The following RAP1GAP variants were observed in gnomAD, a reference collection of about 807,000 sequenced individuals.
The protein encoded by RAP1GAP is RAP1 GTPase activating protein.
RAP1GAP carries 35 observed loss-of-function variants against 87.2 expected under a neutral mutation model. The observed-to-expected ratio is 0.40, with a 90% CI of 0.31 to 0.53. The LOEUF (loss-of-function observed/expected upper bound fraction) is 0.53. Among genes scored for constraint, RAP1GAP ranks in the 20% least tolerant of loss-of-function variants. The pLI is 0.48. For synonymous variants in RAP1GAP, 375 were observed against 363.9 expected (o/e 1.03, Z -0.35); for missense variants, 734 against 898.9 (o/e 0.82, Z 2.35).
intron 13 of RAP1GAP, 143 bp downstream of exon 13, chr1:21,611,309 C>G: frequency 8.2e-7 from 1 of 1,220,702 alleles, no homozygotes; most frequent in Non-Finnish European, 1.1e-6. Flanking sequence ...CCTGACCCAA[C>G]GAGACCCCAC....
chr1:21,609,772 G>A lies in RAP1GAP; in HGVS notation c.1000-126C>T. On this transcript the variant is annotated intron_variant, in intron 14 of 24. Transcript: ENST00000374765. The surrounding 1 kb of genome is among the most constrained non-coding windows in gnomAD (Gnocchi z 4.4). ...CGGGGAGACCCAGTGACTGTGGGCTGGATGAATCTTTCTTCCAGAGATTTC... is the reference window on the plus strand; with the variant it reads ...CGGGGAGACCCAGTGACTGTGGGCTAGATGAATCTTTCTTCCAGAGATTTC... 1 of 707,170 alleles carries A rather than the reference G, an allele frequency of 1.4e-6. No individual in the cohort carries two copies. The highest frequency in any genetic ancestry group is 2.3e-6 in the Non-Finnish European group (1 of 438,600). 43.8% of individuals were successfully genotyped at this position (707,170 alleles called of 1,614,324 possible).
intron 2 of RAP1GAP, among the ~76,000 whole-genome samples, chr1:21,641,247 G>A (rs924109531): frequency 2.6e-5 from 4 of 152,130 alleles, no homozygotes; most frequent in African/African-American, 7.2e-5. Flanking sequence ...TCTGAAAGAA[G>A]TGGGCTTCCA....
chr1:21,597,947 G>A lies in RAP1GAP; in HGVS notation c.1983+14C>T, dbSNP rs751382412. 1.3e-6 allele frequency: 2 copies of A among 1,558,402 alleles called. No individual in the cohort carries two copies. Among genetic ancestry groups the A allele is most frequent in the South Asian group, 2.3e-5 (2 of 85,232 alleles). ...GGGGCTCCCTCAGCACCAGCCCCAGGAGGCTGCACGTACCAGCTGGGGCAT... is the reference window on the plus strand; with the variant it reads ...GGGGCTCCCTCAGCACCAGCCCCAGAAGGCTGCACGTACCAGCTGGGGCAT... On this transcript the variant is annotated intron_variant, in intron 23 of 24. Coordinates refer to ENST00000374765, the MANE Select transcript of RAP1GAP (RefSeq NM_002885.4).
chr1:21,640,634 G>GCAC (rs1260906912), intron 2 of RAP1GAP, among the ~76,000 whole-genome samples: 22 of 152,226 alleles, frequency 1.4e-4, no homozygotes, highest in African/African-American at 2.7e-4. Context: ...CAGTGCCTAG[G>GCAC]CTGGCTGGGG....
Position 21,609,473 on chromosome 1 carries a change from TAC to T in RAP1GAP, c.1071+100_1071+101del. Reference sequence around the variant, plus strand: ...TTAGGGGAGCCCAGCTGCCCTGGCATACAATGAGACTTTGGGACCTCATAAGG... The same window carrying T: ...TTAGGGGAGCCCAGCTGCCCTGGCATAATGAGACTTTGGGACCTCATAAGG... On this transcript the variant is annotated intron_variant, in intron 15 of 24. Coordinates refer to ENST00000374765, the MANE Select transcript of RAP1GAP (RefSeq NM_002885.4). The surrounding 1 kb of genome is among the most constrained non-coding windows in gnomAD (Gnocchi z 4.4). 1.5e-6 allele frequency: 1 copy of T among 667,100 alleles called. No homozygotes were observed. The highest frequency in any genetic ancestry group is 2.4e-6 in the Non-Finnish European group (1 of 424,646). 41.3% of individuals were successfully genotyped at this position (667,100 alleles called of 1,614,324 possible).
Position 21,609,230 on chromosome 1 carries a change from G to A in RAP1GAP, c.1072-294C>T, listed in dbSNP as rs1362898154. On this transcript the variant is annotated intron_variant, in intron 15 of 24. Transcript: ENST00000374765. This position sits in a 1 kb window ranked among gnomAD's most constrained non-coding sequence, Gnocchi z 4.4. ...GCTTCAGTCTAGGGTAGCAGAACAC[G>A]CTACGTACAGAGCTGAAGCCCAGGC... is the stretch of plus-strand genomic sequence containing the variant. 1.3e-5 allele frequency among the ~76,000 whole-genome samples: 2 copies of A among 152,132 alleles called. No individual in the cohort carries two copies. Among genetic ancestry groups the A allele is most frequent in the African/African-American group, 2.4e-5 (1 of 41,420 alleles).
intron 1 of RAP1GAP, among the ~76,000 whole-genome samples, chr1:21,655,156 AG>A (rs1334289814): frequency 2.0e-5 from 3 of 152,022 alleles, no homozygotes; most frequent in Non-Finnish European, 2.9e-5. Context: ...AAAAAAAAGA[AG>A]AAAAGAAAAA....
chr1:21,643,194 G>A (rs1239345109), intron 2 of RAP1GAP, among the ~76,000 whole-genome samples: 2 of 152,208 alleles, frequency 1.3e-5, no homozygotes, highest in Non-Finnish European at 2.9e-5. Context: ...TATTGAATTA[G>A]TTTGCTGAAT....
At chr1:21,641,199 G>T (rs1173391276) in intron 2 of RAP1GAP, among the ~76,000 whole-genome samples, 1 of 151,838 alleles carries the variant, frequency 6.6e-6, no homozygotes. Flanking sequence ...AGGATTACAG[G>T]CATGAGCCAC....
At chr1:21,602,347 C>T (rs758809884) in intron 19 of RAP1GAP, among the ~76,000 whole-genome samples, 13 of 152,184 alleles carry the variant, frequency 8.5e-5, no homozygotes, top group Non-Finnish European at 1.3e-4. Flanking sequence ...GGGAGGCAGC[C>T]GGGAGCTAGC....
Position 21,617,952 on chromosome 1 carries a change from T to C in RAP1GAP, c.87A>G (p.Pro29=), listed in dbSNP as rs772496704. 55 of 1,614,130 alleles carry C rather than the reference T, an allele frequency of 3.4e-5. No individual in the cohort carries two copies. The highest frequency in any genetic ancestry group is 1.6e-4 in the South Asian group (15 of 91,086). The change falls in exon 6 of 25, where the codon CCA becomes CCG. Residue 29 remains proline (P), a synonymous_variant. Transcript: ENST00000374765. ...TGAGTACCTCGTGCACGCTCGGGTA[T>C]GGAATGTAGTCCTCCTCTGTCTGCA... ...PPLKTEEDYI[P]YPSVHEVLGR...
chr1:21,617,542 C>A, intron 6 of RAP1GAP, 51 bp from the exon 7 acceptor site: 1 of 1,534,336 alleles, frequency 6.5e-7, no homozygotes, highest in Non-Finnish European at 8.8e-7. Context: ...CCACTGGGCG[C>A]CCCAGGACAC....
intron 1 of RAP1GAP, among the ~76,000 whole-genome samples, chr1:21,660,773 C>T (rs1207658640): frequency 6.6e-6 from 1 of 152,132 alleles, no homozygotes; most frequent in African/African-American, 2.4e-5. Context: ...GCCTTGTGCT[C>T]ACGAACGGCT....
intron 2 of RAP1GAP, among the ~76,000 whole-genome samples, chr1:21,628,802 T>G (rs1246747429): frequency 1.3e-5 from 2 of 151,094 alleles, no homozygotes; most frequent in African/African-American, 2.4e-5. Flanking sequence ...GCAGGAGAAT[T>G]GCTTGAACCT....
intron 18 of RAP1GAP, 27 bp from the exon 19 acceptor site, chr1:21,602,940 C>T (rs756110289): frequency 6.5e-7 from 1 of 1,546,472 alleles, no homozygotes; most frequent in South Asian, 1.1e-5. Context: ...CAACTCAGTG[C>T]CACCTTACCT....
At chr1:21,655,637 GCCAGGCT>G (rs1223581001) in intron 1 of RAP1GAP, among the ~76,000 whole-genome samples, 1 of 152,210 alleles carries the variant, frequency 6.6e-6, no homozygotes, top group East Asian at 1.9e-4. Context: ...AGAAAACAGT[GCCAGGCT>G]GCTTTCCAGG....
At chr1:21,605,361 G>A (rs918022703) in intron 18 of RAP1GAP, among the ~76,000 whole-genome samples, 1 of 152,172 alleles carries the variant, frequency 6.6e-6, no homozygotes, top group Non-Finnish European at 1.5e-5. Flanking sequence ...CACAGAGAAA[G>A]TACCCACACA....
At chr1:21,631,440 C>T (rs181172692) in intron 2 of RAP1GAP, among the ~76,000 whole-genome samples, 1 of 152,228 alleles carries the variant, frequency 6.6e-6, no homozygotes, top group Non-Finnish European at 1.5e-5. Flanking sequence ...AATCCCAGCA[C>T]TTTGGGAGGC....
At chr1:21,617,034 G>A (rs2082622233) in intron 7 of RAP1GAP, among the ~76,000 whole-genome samples, 1 of 152,226 alleles carries the variant, frequency 6.6e-6, no homozygotes, top group South Asian at 2.1e-4. Flanking sequence ...TGTAGTGGGT[G>A]GCAGAGCCAG....
Sources: allele counts gnomAD v4.1 joint callset (sites outside exome capture counted in the v4.1 genomes callset), GRCh38; gene constraint gnomAD v4.1.1; non-coding constraint Gnocchi (gnomAD v3.1); transcripts MANE v1.5; gene names NCBI Gene and HGNC (gene_info 2026-07-23, HGNC 2026-07-21).